Variants in RBFOX1 observed in about 807,000 individuals in gnomAD.
RBFOX1 encodes RNA binding fox-1 homolog 1.
In RBFOX1, 8 loss-of-function variants were observed where a neutral mutation model predicts 57.7. That is an observed-to-expected ratio of 0.14 (90% confidence interval 0.08 to 0.25). The LOEUF is 0.25. Among genes scored for constraint, RBFOX1 ranks in the 10% least tolerant of loss-of-function variants. The pLI is 1.00. For synonymous variants in RBFOX1, 326 were observed against 222.4 expected, an observed-to-expected ratio of 1.47 and a Z score of -4.15; for missense variants, 611 against 548.5, an observed-to-expected ratio of 1.11 and a Z score of -1.14.
At chr16:6,693,756 C>A (rs567391109) in intron 3 of RBFOX1, among the ~76,000 whole-genome samples, 1 of 151,950 alleles carries the variant, frequency 6.6e-6, no homozygotes. Flanking sequence ...ACTAACATCA[C>A]CACCATCATT....
intron 3 of RBFOX1, among the ~76,000 whole-genome samples, chr16:7,032,369 C>G (rs988470907): frequency 3.9e-5 from 6 of 151,982 alleles, no homozygotes; most frequent in African/African-American, 1.2e-4. Context: ...TGCTTGAACC[C>G]AGGAGGTGGA....
At position 7,710,640 on chromosome 16, in the gene RBFOX1, G is replaced by C. The variant is rs776822373; in HGVS notation, c.1089G>C (p.Leu363Phe). 6.2e-7 allele frequency: 1 copy of C among 1,613,274 alleles called. No individual in the cohort carries two copies. Among genetic ancestry groups the C allele is most frequent in the Non-Finnish European group, 8.5e-7 (1 of 1,179,758 alleles). Residue 363 changes from leucine to phenylalanine, a missense_variant, in exon 16 of 16, where the codon TTG (leucine) becomes TTC (phenylalanine). Coordinates refer to ENST00000550418, the MANE Select transcript of RBFOX1 (RefSeq NM_018723.4). Reference sequence around the variant, plus strand: ...TGTTTCAGAATGCTTTTGCACCTTTGACTGATGCCAAGACTAGGAGCCATG... The same window carrying C: ...TGTTTCAGAATGCTTTTGCACCTTTCACTGATGCCAAGACTAGGAGCCATG... Reference protein sequence around the residue: ...GVGAMNAFAPLTDAKTRSHAD... With the variant: ...GVGAMNAFAPFTDAKTRSHAD...
intron 3 of RBFOX1, among the ~76,000 whole-genome samples, chr16:6,957,918 C>T (rs149663386): frequency 0.012 from 1,815 of 152,232 alleles, 20 homozygotes; most frequent in Middle Eastern, 0.027. Flanking sequence ...TGCAGGACAT[C>T]TGTGACCTAG....
chr16:6,355,105 T>C (rs921145596), intron 2 of RBFOX1, among the ~76,000 whole-genome samples: 1 of 152,204 alleles, frequency 6.6e-6, no homozygotes, highest in Non-Finnish European at 1.5e-5. Context: ...CTTCAAGGTA[T>C]TGCTGATTAC....
intron 1 of RBFOX1, among the ~76,000 whole-genome samples, chr16:6,307,524 A>G (rs2079661182): frequency 7.1e-6 from 1 of 141,142 alleles, no homozygotes; most frequent in Non-Finnish European, 1.6e-5. Flanking sequence ...TAGTCATTAT[A>G]TAATATCATT....
chr16:6,506,808 G>A (rs913056729), intron 2 of RBFOX1, among the ~76,000 whole-genome samples: 5 of 151,922 alleles, frequency 3.3e-5, no homozygotes, highest in African/African-American at 4.8e-5. Context: ...CACCATGCCT[G>A]GCTATTTTCT....
chr16:6,651,703 T>C (rs1326546536), intron 2 of RBFOX1, among the ~76,000 whole-genome samples: 2 of 152,180 alleles, frequency 1.3e-5, no homozygotes, highest in Non-Finnish European at 2.9e-5. Context: ...ATCTCACTTC[T>C]GGGCATACGC....
intron 5 of RBFOX1, among the ~76,000 whole-genome samples, chr16:7,552,455 G>A (rs1352945861): frequency 6.6e-6 from 1 of 152,144 alleles, no homozygotes; most frequent in African/African-American, 2.4e-5. Context: ...GGTGTCTTCA[G>A]AGAAGTTGCA....
intron 1 of RBFOX1, among the ~76,000 whole-genome samples, chr16:5,391,511 C>G (rs983273625): frequency 2.0e-5 from 3 of 152,084 alleles, no homozygotes; most frequent in Non-Finnish European, 4.4e-5. Flanking sequence ...GGAGAATCTC[C>G]CCATTTTAAG....
In RBFOX1 at chr16:5,327,854, T is replaced by C. The variant is rs187632417; in HGVS notation, c.219+87749T>C. Among the ~76,000 whole-genome samples the C allele has an allele frequency of 9.2e-5, 14 of 152,352 alleles. No homozygotes were observed. In the East Asian group the frequency reaches 2.5e-3, roughly 27 times the overall value. On this transcript the variant is annotated intron_variant, in intron 1 of 2. Transcript: ENST00000585867. ...CTCATCCATAGTTAAAACATCTCTT[T>C]GTAAGCTGAATGGTTCTGTGGTCTG...
intron 1 of RBFOX1, among the ~76,000 whole-genome samples, chr16:6,268,396 C>T (rs1203304690): frequency 6.6e-6 from 1 of 152,134 alleles, no homozygotes; most frequent in Non-Finnish European, 1.5e-5. Flanking sequence ...GTATGAAGCA[C>T]AGCTTGTGAT....
intron 3 of RBFOX1, among the ~76,000 whole-genome samples, chr16:5,814,447 A>G (rs979403043): frequency 2.6e-5 from 4 of 152,206 alleles, no homozygotes; most frequent in African/African-American, 9.6e-5. Flanking sequence ...AATAACAATA[A>G]ATATAGGCTC....
At chr16:6,591,727 A>G (rs1360433747) in intron 2 of RBFOX1, among the ~76,000 whole-genome samples, 1 of 152,176 alleles carries the variant, frequency 6.6e-6, no homozygotes, top group Non-Finnish European at 1.5e-5. Flanking sequence ...GTACTATTAT[A>G]TTTAATTGGA....
chr16:6,816,976 G>A (rs1266992667), intron 3 of RBFOX1, among the ~76,000 whole-genome samples: 1 of 152,026 alleles, frequency 6.6e-6, no homozygotes, highest in Non-Finnish European at 1.5e-5. Context: ...TCATACTCCT[G>A]TGCTCAAGCG....
At chr16:6,362,531 A>C (rs1404843659) in intron 2 of RBFOX1, among the ~76,000 whole-genome samples, 1 of 152,240 alleles carries the variant, frequency 6.6e-6, no homozygotes, top group South Asian at 2.1e-4. Flanking sequence ...GTGCCAGGAC[A>C]TATGAAATTA....
chr16:7,705,302 C>G (rs1000285152), intron 14 of RBFOX1, among the ~76,000 whole-genome samples: 13 of 152,030 alleles, frequency 8.6e-5, no homozygotes, highest in African/African-American at 2.4e-4. Flanking sequence ...GTCAGGAGAT[C>G]AAAACCATCG....
intron 1 of RBFOX1, among the ~76,000 whole-genome samples, chr16:5,424,754 T>A (rs1452951599): frequency 2.0e-5 from 3 of 152,032 alleles, no homozygotes; most frequent in Non-Finnish European, 4.4e-5. Context: ...GGGTTTGGTG[T>A]ATGAATGATC....
At chr16:7,109,664 C>A (rs1206623318) in intron 4 of RBFOX1, among the ~76,000 whole-genome samples, 1 of 152,064 alleles carries the variant, frequency 6.6e-6, no homozygotes, top group African/African-American at 2.4e-5. Flanking sequence ...CGCAGATAGT[C>A]CTCCTTTATT....
chr16:6,640,466 A>G (rs1164386883), intron 2 of RBFOX1, among the ~76,000 whole-genome samples: 6 of 151,930 alleles, frequency 3.9e-5, no homozygotes, highest in African/African-American at 1.5e-4. Flanking sequence ...GAAATTAGCC[A>G]GGCATAGAGC....
Sources: gnomAD v4.1 joint callset for allele counts (sites outside exome capture counted in the v4.1 genomes callset) on GRCh38, gnomAD v4.1.1 for gene constraint, MANE v1.5 for transcripts, NCBI Gene and HGNC (gene_info 2026-07-23, HGNC 2026-07-21) for gene names.